EDIL3: variants seen among roughly 807,000 people sequenced by gnomAD.
EDIL3 encodes EGF like and discoidin domains 3, also known as EGF-like repeat and discoidin I-like domain-containing protein 3.
A neutral mutation model predicts 67.4 loss-of-function variants in EDIL3; 37 were observed. That is an observed-to-expected ratio of 0.55 (90% CI 0.42 to 0.72). EDIL3 has a LOEUF of 0.72. Among genes scored for constraint, EDIL3 ranks in the 30% least tolerant of loss-of-function variants. The pLI is 0.00. For synonymous variants in EDIL3, 195 were observed against 196.3 expected, an observed-to-expected ratio of 0.99 and a Z score of 0.05; for missense variants, 527 against 586.3, an observed-to-expected ratio of 0.90 and a Z score of 1.04.
chr5:84,039,498 G>C (rs542310984), intron 9 of EDIL3, among the ~76,000 whole-genome samples: 1 of 152,222 alleles, frequency 6.6e-6, no homozygotes, highest in South Asian at 2.1e-4. Context: ...AGACTTTTCA[G>C]TATCTATTCA....
intron 10 of EDIL3, among the ~76,000 whole-genome samples, chr5:83,953,669 T>C (rs1744458739): frequency 6.6e-6 from 1 of 151,850 alleles, no homozygotes; most frequent in Admixed American, 6.6e-5. Flanking sequence ...TTTGGTCCTC[T>C]GCTCACAGCT....
At position 84,088,853 on chromosome 5, in the gene EDIL3, A is replaced by G. The variant is rs146215742; in HGVS notation, c.651+17796T>C. On this transcript the variant is annotated intron_variant, in intron 6 of 10. Transcript: ENST00000296591. Reference sequence around the variant, plus strand: ...AATTAAATATATCAGTTTTGGGAAAACAGCAGCAGTGGTAGCAAAAACATC... The same window carrying G: ...AATTAAATATATCAGTTTTGGGAAAGCAGCAGCAGTGGTAGCAAAAACATC... Among the ~76,000 whole-genome samples the G allele has an allele frequency of 3.2e-3, 492 of 152,318 alleles. 4 individuals carry two copies. The highest frequency in any genetic ancestry group is 0.011 in the African/African-American group (466 of 41,570).
At chr5:84,241,789 T>C (rs1309637304) in intron 2 of EDIL3, among the ~76,000 whole-genome samples, 3 of 151,854 alleles carry the variant, frequency 2.0e-5, no homozygotes, top group East Asian at 3.9e-4. Context: ...GTCAGAGGCC[T>C]AGATGTTTGA....
chr5:84,238,989 A>T (rs540035847), intron 2 of EDIL3, among the ~76,000 whole-genome samples: 1 of 152,106 alleles, frequency 6.6e-6, no homozygotes, highest in Non-Finnish European at 1.5e-5. Flanking sequence ...TAACAGATCC[A>T]ATCTGCGGAC....
At chr5:84,322,595 C>G (rs1198445651) in intron 1 of EDIL3, among the ~76,000 whole-genome samples, 1 of 152,004 alleles carries the variant, frequency 6.6e-6, no homozygotes, top group Non-Finnish European at 1.5e-5. Flanking sequence ...TATTAACTTA[C>G]ACATTGTGGA....
intron 4 of EDIL3, among the ~76,000 whole-genome samples, chr5:84,159,100 A>T (rs1748543175): frequency 6.6e-6 from 1 of 152,090 alleles, no homozygotes; most frequent in Non-Finnish European, 1.5e-5. Flanking sequence ...AACCAAGTGG[A>T]AACGTTTTAG....
At chr5:83,983,328 G>A (rs1377041342) in intron 9 of EDIL3, among the ~76,000 whole-genome samples, 1 of 152,064 alleles carries the variant, frequency 6.6e-6, no homozygotes, top group Non-Finnish European at 1.5e-5. Context: ...GTGTATATTA[G>A]GTATTGAGGA....
At chr5:84,217,414 T>G (rs955666415) in intron 3 of EDIL3, among the ~76,000 whole-genome samples, 1 of 152,186 alleles carries the variant, frequency 6.6e-6, no homozygotes, top group Non-Finnish European at 1.5e-5. Context: ...CCCAACTTCT[T>G]GGTCAAATGC....
chr5:84,142,685 T>G (rs1748220407), intron 4 of EDIL3, among the ~76,000 whole-genome samples: 1 of 151,944 alleles, frequency 6.6e-6, no homozygotes, highest in Non-Finnish European at 1.5e-5. Context: ...ACAAAGACAA[T>G]GTATTTCAAC....
At chr5:84,236,216 G>A (rs558033265) in intron 2 of EDIL3, among the ~76,000 whole-genome samples, 9 of 152,118 alleles carry the variant, frequency 5.9e-5, no homozygotes, top group African/African-American at 1.4e-4. Flanking sequence ...ACAAAAACAC[G>A]TATTTTATAA....
chr5:84,277,933 T>G (rs1259327364), intron 1 of EDIL3, among the ~76,000 whole-genome samples: 1 of 152,168 alleles, frequency 6.6e-6, no homozygotes, highest in Non-Finnish European at 1.5e-5. Context: ...TCCCTGAAGA[T>G]TCAACCTTTT....
At chr5:84,058,541 A>AT (rs1048424315) in intron 9 of EDIL3, among the ~76,000 whole-genome samples, 2 of 152,144 alleles carry the variant, frequency 1.3e-5, no homozygotes, top group African/African-American at 4.8e-5. Flanking sequence ...TATTTGAGTC[A>AT]TTTTTTCATA....
intron 6 of EDIL3, among the ~76,000 whole-genome samples, chr5:84,077,748 CCAAATCATAT>C (rs1344827684): frequency 3.3e-5 from 5 of 151,998 alleles, no homozygotes; most frequent in African/African-American, 1.2e-4. Flanking sequence ...TCATATCTAG[CCAAATCATAT>C]CAAATCATAT....
rs1744229512 is a variant in EDIL3 at position 83,941,856 on chromosome 5, C to A, written c.*1563G>T. 2 of 151,918 alleles carry A rather than the reference C, an allele frequency of 1.3e-5. No individual in the cohort carries two copies. Among genetic ancestry groups the A allele is most frequent in the Non-Finnish European group, 2.9e-5 (2 of 67,888 alleles). 9.4% of individuals were successfully genotyped at this position (151,918 alleles called of 1,614,324 possible). A position where few individuals can be genotyped will look rare whatever the true frequency, so the allele number is the denominator to read the frequency against. ...ATACAATTGACTTTCTCTTTAAATTCTTCACTATGATTGAAGACCACTCCA... is the reference window on the plus strand; with the variant it reads ...ATACAATTGACTTTCTCTTTAAATTATTCACTATGATTGAAGACCACTCCA... On this transcript the variant is annotated 3_prime_UTR_variant, in exon 11 of 11. Coordinates refer to ENST00000296591, the MANE Select transcript of EDIL3 (RefSeq NM_005711.5).
At chr5:84,356,889 CTTTTTTTTTTTTTTTT>C (rs1189590387) in intron 1 of EDIL3, among the ~76,000 whole-genome samples, 1 of 32,086 alleles carries the variant, frequency 3.1e-5, no homozygotes, top group Non-Finnish European at 6.4e-5. Flanking sequence ...ATCTTTCTTT[CTTTTTTTTTTTTTTTT>C]TTTTTTTTTT....
chr5:84,132,123 T>A (rs951526340), intron 5 of EDIL3, among the ~76,000 whole-genome samples: 1 of 149,488 alleles, frequency 6.7e-6, no homozygotes, highest in Non-Finnish European at 1.5e-5. Flanking sequence ...TAATCCCAGC[T>A]ACTTGGGAGG....
intron 1 of EDIL3, among the ~76,000 whole-genome samples, chr5:84,379,406 G>C (rs1325632946): frequency 2.0e-5 from 3 of 151,992 alleles, no homozygotes; most frequent in African/African-American, 7.2e-5. Flanking sequence ...GTAGAATCTT[G>C]CAAGATCTAA....
At chr5:84,357,618 G>A (rs751296860) in intron 1 of EDIL3, among the ~76,000 whole-genome samples, 1 of 152,148 alleles carries the variant, frequency 6.6e-6, no homozygotes, top group Non-Finnish European at 1.5e-5. Context: ...GCTGGGTGCA[G>A]TGGCTCACGC....
chr5:84,064,583 T>C (rs978296743), intron 8 of EDIL3, 117 bp downstream of exon 8: 29 of 1,337,554 alleles, frequency 2.2e-5, no homozygotes, highest in Non-Finnish European at 2.7e-5. Flanking sequence ...TGTAGACATT[T>C]TTCCCCAGAA....
Sources: gnomAD v4.1 joint callset for allele counts (sites outside exome capture counted in the v4.1 genomes callset) on GRCh38, gnomAD v4.1.1 for gene constraint, MANE v1.5 for transcripts, NCBI Gene and HGNC (gene_info 2026-07-23, HGNC 2026-07-21) for gene names.